Variants in FNDC7 observed in about 807,000 individuals in gnomAD.
The protein encoded by FNDC7 is fibronectin type III domain containing 7.
In FNDC7, 66 loss-of-function variants were observed where a neutral mutation model predicts 74.2. That is an observed-to-expected ratio of 0.89 (90% CI 0.73 to 1.09). The LOEUF is 1.09. FNDC7 is among the 50% of genes least tolerant of loss of function. The pLI is 0.00. For missense variants in FNDC7, 829 were observed against 893.4 expected (o/e 0.93, Z 0.92); for synonymous variants, 307 against 330.2 (o/e 0.93, Z 0.76).
At position 108,727,735 on chromosome 1, in the gene FNDC7, G is replaced by A; in HGVS notation, c.1112-73G>A. The A allele has an allele frequency of 1.9e-6, 3 of 1,564,870 alleles. No homozygotes were observed. The South Asian group carries it at 3.6e-5, about 19-fold the overall frequency. On this transcript the variant is annotated intron_variant, in intron 6 of 12. Transcript: ENST00000370017. ...GTGGCAGAGGCTCTGGGCATGGGAG[G>A]TCAGGACACAGTGTACCCCCAGCTG...
At chr1:108,713,125 C>T (rs530010675) in intron 1 of FNDC7, 129 bp downstream of exon 1, 27 of 808,908 alleles carry the variant, frequency 3.3e-5, no homozygotes, top group African/African-American at 2.4e-4. Context: ...TGGTTTGTAC[C>T]GAGGTTGTAT....
intron 5 of FNDC7, among the ~76,000 whole-genome samples, chr1:108,724,954 A>G (rs1437251799): frequency 6.6e-6 from 1 of 151,508 alleles, no homozygotes; most frequent in African/African-American, 2.4e-5. Context: ...GGTGGTGCAC[A>G]CCTGTAGTCC....
intron 8 of FNDC7, among the ~76,000 whole-genome samples, chr1:108,729,871 T>C (rs1661304505): frequency 6.6e-6 from 1 of 152,184 alleles, no homozygotes; most frequent in African/African-American, 2.4e-5. Flanking sequence ...AAATACTGCA[T>C]ACGTGAAGAT....
At chr1:108,728,189 A>G in intron 7 of FNDC7, 124 bp downstream of exon 7, 2 of 1,206,648 alleles carry the variant, frequency 1.7e-6, no homozygotes, top group African/African-American at 1.5e-5. Flanking sequence ...CTTTGTGGAG[A>G]CCAAGAGAGC....
chr1:108,727,645 G>T (rs1394657325), intron 6 of FNDC7, among the ~76,000 whole-genome samples, 163 bp from the exon 7 acceptor site: 1 of 152,128 alleles, frequency 6.6e-6, no homozygotes, highest in Non-Finnish European at 1.5e-5. Context: ...CTATGCAGTG[G>T]CAATTAGGCC....
At chr1:108,734,834 T>A (rs564734622) in intron 10 of FNDC7, 2 of 152,314 alleles carry the variant, frequency 1.3e-5, no homozygotes, top group Admixed American at 6.5e-5. Context: ...TATTTTATAA[T>A]TTATCCAGTG....
chr1:108,728,930 C>T (rs75133601), intron 8 of FNDC7, 44 bp downstream of exon 8: 594 of 1,595,278 alleles, frequency 3.7e-4, no homozygotes, highest in Non-Finnish European at 4.6e-4. Context: ...CAGTGGGGTC[C>T]TTATGGAGTG....
chr1:108,718,014 C>T lies in FNDC7; in HGVS notation c.320C>T (p.Pro107Leu), dbSNP rs1661018104. 6.4e-7 allele frequency: 1 copy of T among 1,551,552 alleles called. No homozygotes were observed. Among genetic ancestry groups the T allele is most frequent in the South Asian group, 1.2e-5 (1 of 84,066 alleles). The change falls in exon 3 of 13, where the codon CCA becomes CTA. Residue 107 changes from proline to leucine, a missense_variant. By Grantham distance (98) the Pro-to-Leu change is moderately conservative. Coordinates refer to ENST00000370017, the MANE Select transcript of FNDC7 (RefSeq NM_001144937.3). Reference protein sequence around the residue: ...SAAGRSQASPPKQAKTVLAAP... With the variant: ...SAAGRSQASPLKQAKTVLAAP... ...GCTGGGAGAAGCCAGGCGTCACCTC[C>T]AAAGCAGGCAAAGACAGGTGGCTGG...
Position 108,728,767 on chromosome 1 carries a change from G to C in FNDC7, c.1505G>C (p.Ser502Thr). Residue 502 changes from serine (S) to threonine (T), a missense_variant, in exon 8 of 13, where the codon AGC becomes ACC. Physicochemically the swap from Ser to Thr is moderately conservative, Grantham distance 58. Coordinates refer to ENST00000370017, the MANE Select transcript of FNDC7 (RefSeq NM_001144937.3). ...GAGAAAGGACTGTATCAGTGCAGCA[G>C]CACAGGAGAGTCCTGCACCATGCGG... ...QGEKGLYQCS[S>T]TGESCTMRGL... The C allele has an allele frequency of 6.2e-7, 1 of 1,614,280 alleles. No individual in the cohort carries two copies. Among genetic ancestry groups the C allele is most frequent in the Non-Finnish European group, 8.5e-7 (1 of 1,180,054 alleles).
rs1217328159 is a variant in FNDC7 at position 108,718,924 on chromosome 1, A to G, written c.473A>G (p.Glu158Gly). ...AATGGCTTGGGGAGTATATGGAAAG[A>G]GAATACTACAAACACCTCCTTGACA... is the stretch of plus-strand genomic sequence containing the variant. ...RANGLGSIWK[E>G]NTTNTSLTFT... is the part of the protein sequence containing the mutation. The change falls in exon 4 of 13, where the codon GAG (glutamate) becomes GGG (glycine). Residue 158 changes from glutamate (E) to glycine (G), a missense_variant. Coordinates refer to ENST00000370017, the MANE Select transcript of FNDC7 (RefSeq NM_001144937.3). 6.4e-7 allele frequency: 1 copy of G among 1,551,788 alleles called. No homozygotes were observed. The highest frequency in any genetic ancestry group is 1.4e-5 in the African/African-American group (1 of 73,180).
chr1:108,727,967 C>T lies in FNDC7; in HGVS notation c.1271C>T (p.Ser424Leu), dbSNP rs572970288. ...CNDTTPACTL[S>L]ALECDTKYNI... ...GACACTACTCCTGCGTGCACCCTTTCGGCTCTAGAGTGTGACACCAAGTAC... is the reference window on the plus strand; with the variant it reads ...GACACTACTCCTGCGTGCACCCTTTTGGCTCTAGAGTGTGACACCAAGTAC... Residue 424 changes from serine (S) to leucine (L), a missense_variant, in exon 7 of 13, where the codon TCG (serine) becomes TTG (leucine). Physicochemically the swap from Ser to Leu is moderately radical, Grantham distance 145. Coordinates refer to ENST00000370017, the MANE Select transcript of FNDC7 (RefSeq NM_001144937.3). 32 of 1,614,126 alleles carry T rather than the reference C, an allele frequency of 2.0e-5. No individual in the cohort carries two copies. The highest frequency in any genetic ancestry group is 1.5e-4 in the South Asian group (14 of 91,084).
At position 108,741,824 on chromosome 1, in the gene FNDC7, A is replaced by G. The variant is rs763701147; in HGVS notation, c.*20A>G. 1.7e-5 allele frequency: 27 copies of G among 1,613,024 alleles called. 2 individuals are homozygous for G. Among genetic ancestry groups the G allele is most frequent in the Admixed American group, 5.0e-5 (3 of 59,958 alleles). On this transcript the variant is annotated 3_prime_UTR_variant, in exon 12 of 13. Coordinates refer to ENST00000370017, the MANE Select transcript of FNDC7 (RefSeq NM_001144937.3). ...GAATGACAAAGTGAGCCCCAGATAA[A>G]AACAAAAACTTGACCAAGTGAGTAA...
At chr1:108,717,266 G>A (rs576844370) in intron 2 of FNDC7, among the ~76,000 whole-genome samples, 7 of 152,312 alleles carry the variant, frequency 4.6e-5, no homozygotes, top group African/African-American at 1.2e-4. Context: ...TCTGGAAAAC[G>A]TGCAAAGTGC....
intron 5 of FNDC7, among the ~76,000 whole-genome samples, chr1:108,724,912 C>G (rs190931704): frequency 1.3e-5 from 2 of 151,908 alleles, no homozygotes; most frequent in Admixed American, 6.5e-5. Context: ...GAAACTTTGT[C>G]TCTACTAAAA....
At chr1:108,715,661 G>A (rs3006868) in intron 2 of FNDC7, among the ~76,000 whole-genome samples, 63,833 of 135,722 alleles carry the variant, frequency 0.47, 14,946 homozygotes, top group East Asian at 0.71. Flanking sequence ...ATGCGCGTGC[G>A]TGCGCGCGCG....
intron 10 of FNDC7, 118 bp from the exon 11 acceptor site, chr1:108,737,377 T>G: frequency 2.5e-6 from 2 of 790,426 alleles, no homozygotes; most frequent in Non-Finnish European, 4.0e-6. Flanking sequence ...ATCACCCAAG[T>G]TCGTTCTTGT....
At chr1:108,731,915 ATTCTT>A (rs1209891412) in intron 9 of FNDC7, among the ~76,000 whole-genome samples, 1 of 152,204 alleles carries the variant, frequency 6.6e-6, no homozygotes, top group Non-Finnish European at 1.5e-5. Context: ...CCCATTGCTT[ATTCTT>A]TTAAGAATAA....
chr1:108,723,020 C>T (rs4970744), intron 5 of FNDC7, among the ~76,000 whole-genome samples: 81,445 of 151,818 alleles, frequency 0.54, 23,710 homozygotes, highest in East Asian at 0.87. Context: ...TCTGAACATG[C>T]GTTTAGATAT....
At chr1:108,729,352 A>G (rs1227807948) in intron 8 of FNDC7, among the ~76,000 whole-genome samples, 1 of 152,166 alleles carries the variant, frequency 6.6e-6, no homozygotes, top group Non-Finnish European at 1.5e-5. Flanking sequence ...GGTCGAGACC[A>G]TCCTGGCTAA....
Sources: gnomAD v4.1 joint callset for allele counts (sites outside exome capture counted in the v4.1 genomes callset) on GRCh38, gnomAD v4.1.1 for gene constraint, MANE v1.5 for transcripts, NCBI Gene and HGNC (gene_info 2026-07-23, HGNC 2026-07-21) for gene names.